The following UBE2R2 variants were observed in gnomAD, a reference collection of about 807,000 sequenced individuals.
The protein encoded by UBE2R2 is ubiquitin conjugating enzyme E2 R2.
In UBE2R2, 1 loss-of-function variant was observed where a neutral mutation model predicts 27.8. That is an observed-to-expected ratio of 0.04 (90% CI 0.01 to 0.17). The LOEUF is 0.17. Ranked by LOEUF, UBE2R2 falls within the 10% of genes least tolerant of loss-of-function variation. The probability of loss-of-function intolerance (pLI) is 1.00; values close to 1 mark genes in which losing one functional copy is unlikely to be tolerated. For synonymous variants in UBE2R2, 106 were observed against 113.3 expected, an observed-to-expected ratio of 0.94 and a Z score of 0.41; for missense variants, 100 against 291.0, an observed-to-expected ratio of 0.34 and a Z score of 4.78.
At chr9:33,878,598 A>G (rs867525656) in intron 1 of UBE2R2, among the ~76,000 whole-genome samples, 1 of 152,172 alleles carries the variant, frequency 6.6e-6, no homozygotes, top group South Asian at 2.1e-4. Context: ...AGCCTGGTTG[A>G]CAGAGTGAGA....
Position 33,817,664 on chromosome 9 carries a change from G to C in UBE2R2, c.-94G>C, listed in dbSNP as rs1046352572. On this transcript the variant is annotated 5_prime_UTR_variant, in exon 1 of 5. Coordinates refer to ENST00000263228, the MANE Select transcript of UBE2R2 (RefSeq NM_017811.4). ...GACCGGGGCCCGGTGCTGCCCGGCCGGAGGGCGAGCGGAGGGGAGGGGCCT... is the reference window on the plus strand; with the variant it reads ...GACCGGGGCCCGGTGCTGCCCGGCCCGAGGGCGAGCGGAGGGGAGGGGCCT... 1.7e-6 allele frequency: 2 copies of C among 1,171,210 alleles called. No homozygotes were observed. The highest frequency in any genetic ancestry group is 2.1e-6 in the Non-Finnish European group (2 of 950,830). 72.6% of individuals were successfully genotyped at this position (1,171,210 alleles called of 1,614,324 possible). A position where few individuals can be genotyped will look rare whatever the true frequency, so the allele number is the denominator to read the frequency against.
chr9:33,874,540 T>C (rs1337955512), intron 1 of UBE2R2, among the ~76,000 whole-genome samples: 1 of 152,074 alleles, frequency 6.6e-6, no homozygotes, highest in Non-Finnish European at 1.5e-5. Flanking sequence ...TATGAAGAAA[T>C]ATATATGCAC....
At chr9:33,887,596 G>A (rs1416271726) in intron 2 of UBE2R2, among the ~76,000 whole-genome samples, 15 of 152,242 alleles carry the variant, frequency 9.9e-5, no homozygotes, top group Admixed American at 5.9e-4. Context: ...ATGAGGGCCC[G>A]CTAGTTTTTT....
At chr9:33,851,874 T>C (rs1376004493) in intron 1 of UBE2R2, among the ~76,000 whole-genome samples, 1 of 152,108 alleles carries the variant, frequency 6.6e-6, no homozygotes, top group African/African-American at 2.4e-5. Flanking sequence ...GCATATTACA[T>C]TGGCATAAAT....
chr9:33,821,286 G>A (rs767121496), intron 1 of UBE2R2, among the ~76,000 whole-genome samples: 1 of 152,066 alleles, frequency 6.6e-6, no homozygotes, highest in Non-Finnish European at 1.5e-5. Flanking sequence ...CTGAGTAGCT[G>A]GGACTACAGG....
At chr9:33,846,399 T>C (rs1820847522) in intron 1 of UBE2R2, among the ~76,000 whole-genome samples, 1 of 152,236 alleles carries the variant, frequency 6.6e-6, no homozygotes, top group Admixed American at 6.5e-5. Flanking sequence ...GTGTATTTTT[T>C]TTAGGATAGT....
intron 1 of UBE2R2, among the ~76,000 whole-genome samples, chr9:33,838,393 C>T (rs984739906): frequency 1.0e-4 from 15 of 150,614 alleles, no homozygotes; most frequent in African/African-American, 3.7e-4. Context: ...TATATATATA[C>T]ATTTTTAATA....
chr9:33,877,379 A>G (rs1460312975), intron 1 of UBE2R2, among the ~76,000 whole-genome samples: 1 of 151,288 alleles, frequency 6.6e-6, no homozygotes, highest in Non-Finnish European at 1.5e-5. Flanking sequence ...AGATGGGGTT[A>G]CTCCTTGTTA....
At chr9:33,830,437 A>G (rs1380934789) in intron 1 of UBE2R2, among the ~76,000 whole-genome samples, 1 of 145,418 alleles carries the variant, frequency 6.9e-6, no homozygotes, top group South Asian at 2.4e-4. Flanking sequence ...GATTACAGGC[A>G]TGAGCCACTG....
intron 2 of UBE2R2, among the ~76,000 whole-genome samples, chr9:33,889,647 G>A (rs1327846234): frequency 6.6e-6 from 1 of 152,212 alleles, no homozygotes; most frequent in Admixed American, 6.5e-5. Context: ...TAGCAAGAGA[G>A]AAGTGAGAAG....
intron 1 of UBE2R2, among the ~76,000 whole-genome samples, chr9:33,856,849 C>G (rs1821113985): frequency 6.6e-6 from 1 of 150,720 alleles, no homozygotes; most frequent in African/African-American, 2.4e-5. Flanking sequence ...GTCCTTCCAT[C>G]CATCCATCCG....
At chr9:33,855,192 A>G (rs918446550) in intron 1 of UBE2R2, among the ~76,000 whole-genome samples, 1 of 151,934 alleles carries the variant, frequency 6.6e-6, no homozygotes, top group Non-Finnish European at 1.5e-5. Flanking sequence ...ACTGCCCCTC[A>G]TGGCATTTTT....
chr9:33,859,799 T>TGTGTGTGTGAGAGAGAGAGAGAGA (rs766779268), intron 1 of UBE2R2, among the ~76,000 whole-genome samples: 6 of 86,518 alleles, frequency 6.9e-5, no homozygotes, highest in African/African-American at 2.8e-4. Context: ...TGTGTGTGTG[T>TGTGTGTGTGAGAGAGAGAGAGAGA]GAGAGAGAGA....
chr9:33,865,404 G>C, intron 1 of UBE2R2, among the ~76,000 whole-genome samples: 1 of 150,842 alleles, frequency 6.6e-6, no homozygotes, highest in East Asian at 2.0e-4. Context: ...CACCATATTG[G>C]CCAGGCTTGT....
chr9:33,867,099 A>G (rs938988969), intron 1 of UBE2R2, among the ~76,000 whole-genome samples: 9 of 152,022 alleles, frequency 5.9e-5, no homozygotes, highest in Non-Finnish European at 1.3e-4. Context: ...AAAATTCACC[A>G]TTTCAGTCTC....
At chr9:33,900,989 C>T (rs1822232943) in intron 3 of UBE2R2, among the ~76,000 whole-genome samples, 1 of 152,116 alleles carries the variant, frequency 6.6e-6, no homozygotes, top group South Asian at 2.1e-4. Flanking sequence ...ACAGTGTCTT[C>T]CCGTCACCCA....
At chr9:33,857,330 T>G (rs1563990069) in intron 1 of UBE2R2, among the ~76,000 whole-genome samples, 1 of 151,916 alleles carries the variant, frequency 6.6e-6, no homozygotes, top group Admixed American at 6.6e-5. Context: ...ATTTATTTAT[T>G]TATTTTGAGA....
chr9:33,890,161 G>A (rs1007036463), intron 2 of UBE2R2, among the ~76,000 whole-genome samples: 15 of 151,972 alleles, frequency 9.9e-5, no homozygotes, highest in African/African-American at 3.6e-4. Flanking sequence ...AGGCTATTTA[G>A]TTCTTTCAAG....
chr9:33,861,334 G>A (rs1159489094), intron 1 of UBE2R2, among the ~76,000 whole-genome samples: 2 of 151,870 alleles, frequency 1.3e-5, no homozygotes, highest in Admixed American at 6.5e-5. Flanking sequence ...TTGGGAGGCC[G>A]AGGCGGGCAG....
Sources: gnomAD v4.1 joint callset for allele counts (sites outside exome capture counted in the v4.1 genomes callset) on GRCh38, gnomAD v4.1.1 for gene constraint, MANE v1.5 for transcripts, NCBI Gene and HGNC (gene_info 2026-07-23, HGNC 2026-07-21) for gene names.